The following SYTL5 variants were observed in gnomAD, a reference collection of about 807,000 sequenced individuals.
SYTL5 encodes the protein synaptotagmin like 5.
SYTL5 carries 34 observed loss-of-function variants against 55.9 expected under a neutral mutation model. The ratio of observed to expected loss-of-function variants is 0.61; its 90% confidence interval spans 0.46 to 0.81. The LOEUF is 0.81. Among genes scored for constraint, SYTL5 ranks in the 30% least tolerant of loss-of-function variants. The pLI, the probability that SYTL5 is intolerant of heterozygous loss-of-function variation, is 0.00. For synonymous variants in SYTL5, 221 were observed against 188.7 expected, an observed-to-expected ratio of 1.17 and a Z score of -1.40; for missense variants, 637 against 546.7, an observed-to-expected ratio of 1.17 and a Z score of -1.65.
At chrX:37,942,302 C>T in the SYTL5 span, among the ~76,000 whole-genome samples, 1 of 111,989 alleles carries the variant, frequency 8.9e-6, no homozygotes, top group Non-Finnish European at 1.9e-5. Context: ...TCATCTCCTA[C>T]TTAAATGAGT....
At chrX:38,116,517 T>C (rs1341784443) in intron 13 of SYTL5, among the ~76,000 whole-genome samples, 1 of 112,580 alleles carries the variant, frequency 8.9e-6, no homozygotes, top group Non-Finnish European at 1.9e-5. Context: ...GATTCTAATT[T>C]GAGCTTTTCT....
At chrX:38,081,947 G>A (rs1936540981) in intron 6 of SYTL5, among the ~76,000 whole-genome samples, 1 of 111,622 alleles carries the variant, frequency 9.0e-6, no homozygotes, top group Non-Finnish European at 1.9e-5. Flanking sequence ...GTAGAGGTAA[G>A]TGCTGAAGGC....
At chrX:38,075,934 G>C (rs1454396045) in intron 5 of SYTL5, among the ~76,000 whole-genome samples, 1 of 112,319 alleles carries the variant, frequency 8.9e-6, no homozygotes, top group Non-Finnish European at 1.9e-5. Flanking sequence ...TTCCTAAAAG[G>C]CTGTTTCTGC....
At chrX:37,981,424 C>A in the SYTL5 span, among the ~76,000 whole-genome samples, 1 of 111,219 alleles carries the variant, frequency 9.0e-6, no homozygotes, top group African/African-American at 3.3e-5. Flanking sequence ...GCCTCCTGAG[C>A]AGCTGGGACT....
At chrX:37,998,582 G>A in the SYTL5 span, among the ~76,000 whole-genome samples, 5 of 111,852 alleles carry the variant, frequency 4.5e-5, no homozygotes, top group South Asian at 1.9e-3. Flanking sequence ...TGAACCCCAC[G>A]CTTCCTCACA....
chrX:37,983,240 T>C, the SYTL5 span, among the ~76,000 whole-genome samples: 1 of 111,816 alleles, frequency 8.9e-6, no homozygotes, highest in South Asian at 3.7e-4. Flanking sequence ...AAAGGCAGTT[T>C]GTCAGGCTGA....
At chrX:38,031,397 G>A (rs776345619) in intron 1 of SYTL5, among the ~76,000 whole-genome samples, 1 of 111,311 alleles carries the variant, frequency 9.0e-6, no homozygotes, top group Non-Finnish European at 1.9e-5. Context: ...TCACCTTCAT[G>A]TGCTACCCAT....
intron 2 of SYTL5, among the ~76,000 whole-genome samples, chrX:38,053,832 A>T (rs1935690293): frequency 8.9e-6 from 1 of 112,331 alleles, no homozygotes; most frequent in Admixed American, 9.4e-5. Flanking sequence ...ATAAATACTA[A>T]TAGCAAAATA....
chrX:37,914,367 A>C, the SYTL5 span, among the ~76,000 whole-genome samples: 1 of 112,168 alleles, frequency 8.9e-6, no homozygotes, highest in Non-Finnish European at 1.9e-5. Context: ...ATTTGGTATT[A>C]ATTATTATTT....
the SYTL5 span, among the ~76,000 whole-genome samples, chrX:37,929,030 A>G: frequency 2.7e-5 from 3 of 112,770 alleles, no homozygotes; most frequent in African/African-American, 6.4e-5. Context: ...GACAGAATTT[A>G]TCACTGGGAT....
intron 1 of SYTL5, among the ~76,000 whole-genome samples, chrX:38,020,651 A>G (rs1934524245): frequency 9.2e-6 from 1 of 108,930 alleles, no homozygotes; most frequent in African/African-American, 3.3e-5. Flanking sequence ...AAGTCTAGGA[A>G]GCCAGAGACC....
Position 38,127,703 on chromosome X carries a change from T to C in SYTL5, c.*973T>C, listed in dbSNP as rs1305856848. The C allele has an allele frequency of 8.9e-6, 1 of 112,125 alleles. No individual in the cohort carries two copies. The highest frequency in any genetic ancestry group is 1.9e-5 in the Non-Finnish European group (1 of 53,252). 9.2% of individuals were successfully genotyped at this position (112,125 alleles called of 1,213,427 possible). A position where few individuals can be genotyped will look rare whatever the true frequency, so the allele number is the denominator to read the frequency against. On this transcript the variant is annotated 3_prime_UTR_variant, in exon 17 of 17. Transcript: ENST00000297875. ...CAGTGGTTAACTATTGTCACAATAATGCTGAATGAAAAAACACACCAAATG... is the reference window on the plus strand; with the variant it reads ...CAGTGGTTAACTATTGTCACAATAACGCTGAATGAAAAAACACACCAAATG...
chrX:38,100,490 T>G (rs1937055295), intron 9 of SYTL5, among the ~76,000 whole-genome samples: 1 of 111,321 alleles, frequency 9.0e-6, no homozygotes, highest in Non-Finnish European at 1.9e-5. Context: ...ATAAGCAAAT[T>G]TTGAACAAGT....
the SYTL5 span, among the ~76,000 whole-genome samples, chrX:37,965,475 T>C: frequency 8.9e-6 from 1 of 111,904 alleles, no homozygotes; most frequent in Non-Finnish European, 1.9e-5. Context: ...GAAAAGATAT[T>C]TGGTATAATT....
the SYTL5 span, among the ~76,000 whole-genome samples, chrX:37,918,029 G>C: frequency 0.32 from 35,062 of 110,598 alleles, 6,242 homozygotes; most frequent in African/African-American, 0.68. Context: ...TTGAAAACAA[G>C]TAAATCCCCT....
At chrX:38,061,700 TTC>T (rs1935947943) in intron 3 of SYTL5, among the ~76,000 whole-genome samples, 1 of 111,979 alleles carries the variant, frequency 8.9e-6, no homozygotes, top group Non-Finnish European at 1.9e-5. Context: ...CTCCAATCCC[TTC>T]TGATTCCAAC....
intron 13 of SYTL5, among the ~76,000 whole-genome samples, chrX:38,116,135 C>T (rs1048555925): frequency 2.7e-5 from 3 of 111,793 alleles, no homozygotes; most frequent in Non-Finnish European, 3.8e-5. Context: ...GACAAGGGTC[C>T]AATTTCATTC....
At chrX:37,969,275 T>C in the SYTL5 span, among the ~76,000 whole-genome samples, 1 of 111,907 alleles carries the variant, frequency 8.9e-6, no homozygotes, top group Non-Finnish European at 1.9e-5. Context: ...TAAACAGGAC[T>C]TTAAGATTTT....
the SYTL5 span, among the ~76,000 whole-genome samples, chrX:37,945,230 G>C: frequency 8.9e-6 from 1 of 112,042 alleles, no homozygotes; most frequent in Non-Finnish European, 1.9e-5. Context: ...TCAGTAAGAA[G>C]AAAAATATGA....
Sources: allele counts gnomAD v4.1 joint callset (sites outside exome capture counted in the v4.1 genomes callset), GRCh38; gene constraint gnomAD v4.1.1; transcripts MANE v1.5; gene names NCBI Gene and HGNC (gene_info 2026-07-23, HGNC 2026-07-21).